Variants in RALGAPA2 observed in about 807,000 individuals in gnomAD.
RALGAPA2 encodes the protein ral GTPase-activating protein subunit alpha-2.
A neutral mutation model predicts 230.4 loss-of-function variants in RALGAPA2; 139 were observed. That is an observed-to-expected ratio of 0.60 (90% confidence interval 0.53 to 0.69). The LOEUF (loss-of-function observed/expected upper bound fraction) is 0.69, where lower values mean the gene tolerates loss of function less well. Among genes scored for constraint, RALGAPA2 ranks in the 30% least tolerant of loss-of-function variants. RALGAPA2 has a pLI of 0.00. For synonymous variants in RALGAPA2, 847 were observed against 837.8 expected, an observed-to-expected ratio of 1.01 and a Z score of -0.19; for missense variants, 2,163 against 2,276.0, an observed-to-expected ratio of 0.95 and a Z score of 1.01.
intron 39 of RALGAPA2, among the ~76,000 whole-genome samples, chr20:20,395,151 G>C (rs903841601): frequency 1.3e-5 from 2 of 152,212 alleles, no homozygotes; most frequent in African/African-American, 2.4e-5. Flanking sequence ...CTGTGCACCT[G>C]AAAGCAGGGA....
chr20:20,663,918 G>T (rs2067869556), intron 3 of RALGAPA2, among the ~76,000 whole-genome samples: 1 of 152,152 alleles, frequency 6.6e-6, no homozygotes, highest in African/African-American at 2.4e-5. Context: ...TAAATTAAGA[G>T]TTACCTGAAC....
chr20:20,630,187 G>T (rs138892582), intron 9 of RALGAPA2, among the ~76,000 whole-genome samples: 1 of 152,280 alleles, frequency 6.6e-6, no homozygotes, highest in East Asian at 1.9e-4. Context: ...GGCATCCAAA[G>T]AAATGAAGTA....
intron 16 of RALGAPA2, among the ~76,000 whole-genome samples, chr20:20,595,055 G>A (rs535639352): frequency 2.6e-5 from 4 of 152,048 alleles, no homozygotes; most frequent in African/African-American, 7.2e-5. Flanking sequence ...TCGAAACACC[G>A]AAAAATGATC....
intron 1 of RALGAPA2, among the ~76,000 whole-genome samples, chr20:20,694,135 C>T (rs1258763880): frequency 6.6e-6 from 1 of 150,726 alleles, no homozygotes; most frequent in Non-Finnish European, 1.5e-5. Flanking sequence ...AAAAAGATAC[C>T]GTAACTTTAA....
Position 20,495,162 on chromosome 20 carries a change from T to C in RALGAPA2, c.5322A>G (p.Pro1774=), listed in dbSNP as rs2062168859. 6.2e-7 allele frequency: 1 copy of C among 1,610,540 alleles called. No individual in the cohort carries two copies. Among genetic ancestry groups the C allele is most frequent in the Admixed American group, 1.7e-5 (1 of 59,944 alleles). The change falls in exon 36 of 40, where the codon CCA becomes CCG. Residue 1774 remains proline, a synonymous_variant. Transcript: ENST00000202677. The part of the protein sequence containing the change: ...AFGDVSIIIY[P]MKNHMFFIAI... ...CGATGAAGAACATGTGATTCTTCAT[T>C]GGGTAAATAATGATTGAAACATCTC...
intron 29 of RALGAPA2, 130 bp downstream of exon 29, chr20:20,524,700 C>CA (rs1443906637): frequency 1.8e-5 from 24 of 1,299,354 alleles, no homozygotes; most frequent in Non-Finnish European, 2.3e-5. Context: ...AGCATTTTCA[C>CA]AAAAAAGACT....
chr20:20,461,181 A>G (rs2061293683), intron 37 of RALGAPA2, among the ~76,000 whole-genome samples: 1 of 152,252 alleles, frequency 6.6e-6, no homozygotes, highest in African/African-American at 2.4e-5. Context: ...TTATAAGCAA[A>G]GAATGTTTAT....
chr20:20,546,819 G>C lies in RALGAPA2; in HGVS notation c.3170C>G (p.Thr1057Arg), dbSNP rs373754711. 4 of 1,584,748 alleles carry C rather than the reference G, an allele frequency of 2.5e-6. No individual in the cohort carries two copies. Among genetic ancestry groups the C allele is most frequent in the East Asian group, 2.2e-5 (1 of 44,522 alleles). The change falls in exon 24 of 40, where the codon ACG becomes AGG. Residue 1057 changes from threonine (T) to arginine (R), a missense_variant. By Grantham distance (71) the Thr-to-Arg change is moderately conservative. Coordinates refer to ENST00000202677, the MANE Select transcript of RALGAPA2 (RefSeq NM_020343.4). ...LTSEDQDILNTIIRHCPPRFF... is the reference protein window; with the variant it reads ...LTSEDQDILNRIIRHCPPRFF... ...GCGGGGTGGACAGTGCCTTATGATC[G>C]TATTTAAGATATCCTAAAAGGGAAG... is the stretch of plus-strand genomic sequence containing the variant.
At chr20:20,460,554 TGA>T (rs1054680164) in intron 37 of RALGAPA2, among the ~76,000 whole-genome samples, 3 of 152,204 alleles carry the variant, frequency 2.0e-5, no homozygotes, top group Non-Finnish European at 4.4e-5. Context: ...AACCAAGACT[TGA>T]CCATAAGGGT....
intron 31 of RALGAPA2, among the ~76,000 whole-genome samples, chr20:20,520,440 C>T (rs2063003408): frequency 6.6e-6 from 1 of 152,184 alleles, no homozygotes; most frequent in Non-Finnish European, 1.5e-5. Context: ...ATGAGCAGAG[C>T]AAATCTAAAA....
chr20:20,504,160 C>T (rs2062461234), intron 34 of RALGAPA2, among the ~76,000 whole-genome samples: 1 of 152,058 alleles, frequency 6.6e-6, no homozygotes, highest in South Asian at 2.1e-4. Context: ...ATAGAGTAAA[C>T]ATATACTCTC....
Position 20,425,766 on chromosome 20 carries a change from C to CA in RALGAPA2, c.5496-13619dup, listed in dbSNP as rs1237671812. On this transcript the variant is annotated intron_variant, in intron 37 of 39. Coordinates refer to ENST00000202677, the MANE Select transcript of RALGAPA2 (RefSeq NM_020343.4). ...AATACACCCCACAGACCTATCAGAGCAAAAAAAATAATGCCACAATTATTG... is the reference window on the plus strand; with the variant it reads ...AATACACCCCACAGACCTATCAGAGCAAAAAAAAATAATGCCACAATTATTG... 7.2e-5 allele frequency among the ~76,000 whole-genome samples: 11 copies of CA among 151,806 alleles called. No homozygotes were observed. In the South Asian group the frequency reaches 1.2e-3, roughly 17 times the overall value.
intron 37 of RALGAPA2, among the ~76,000 whole-genome samples, chr20:20,452,418 C>T (rs910884935): frequency 6.6e-6 from 1 of 152,300 alleles, no homozygotes; most frequent in African/African-American, 2.4e-5. Flanking sequence ...GCATCTTGTA[C>T]GAATCCAGAC....
intron 18 of RALGAPA2, among the ~76,000 whole-genome samples, chr20:20,588,637 A>C (rs1037965814): frequency 6.6e-6 from 1 of 152,166 alleles, no homozygotes; most frequent in African/African-American, 2.4e-5. Context: ...CCTTTTTAAA[A>C]ATAAAGAAAA....
In RALGAPA2 at chr20:20,503,394, G is replaced by A; in HGVS notation, c.5165C>T (p.Ser1722Phe). Residue 1722 changes from serine (S) to phenylalanine (F), a missense_variant, in exon 35 of 40, where the codon TCC becomes TTC. Coordinates refer to ENST00000202677, the MANE Select transcript of RALGAPA2 (RefSeq NM_020343.4). The stretch of plus-strand genomic sequence containing the variant: ...ATCTGAGTCTGACGGCATTCGAGTG[G>A]AAACATGGAAAATCACTTCCACAGT... ...TSTVEVIFHVSTRMPSDSDDS... is the reference protein window; with the variant it reads ...TSTVEVIFHVFTRMPSDSDDS... 2 of 1,605,086 alleles carry A rather than the reference G, an allele frequency of 1.2e-6. No individual in the cohort carries two copies. The highest frequency in any genetic ancestry group is 1.7e-6 in the Non-Finnish European group (2 of 1,174,438).
At chr20:20,633,600 T>A (rs6137085) in intron 9 of RALGAPA2, among the ~76,000 whole-genome samples, 7,017 of 151,898 alleles carry the variant, frequency 0.046, 257 homozygotes, top group East Asian at 0.16. Context: ...CCATTCTCCT[T>A]CCTCAGTTTC....
intron 11 of RALGAPA2, 119 bp from the exon 12 acceptor site, chr20:20,619,533 T>G: frequency 1.2e-6 from 1 of 813,800 alleles, no homozygotes; most frequent in Non-Finnish European, 1.6e-6. Flanking sequence ...GCATATTTAA[T>G]TCCTTAAACT....
intron 8 of RALGAPA2, among the ~76,000 whole-genome samples, chr20:20,636,604 A>C (rs532256256): frequency 6.6e-6 from 1 of 152,220 alleles, no homozygotes; most frequent in South Asian, 2.1e-4. Flanking sequence ...AGAAACACAC[A>C]GAGTACAGAC....
In RALGAPA2 at chr20:20,531,741, A is replaced by C. The variant is rs772237259; in HGVS notation, c.3528T>G (p.Cys1176Trp). The change falls in exon 27 of 40, where the codon TGT (cysteine) becomes TGG (tryptophan). Residue 1176 changes from cysteine (C) to tryptophan (W), a missense_variant. Coordinates refer to ENST00000202677, the MANE Select transcript of RALGAPA2 (RefSeq NM_020343.4). ...GVWICEELAQCTSHPQVKEAI... is the reference protein window; with the variant it reads ...GVWICEELAQWTSHPQVKEAI... Reference sequence around the variant, plus strand: ...CCTCTTTCACCTGAGGGTGGCTTGTACACTGTGCAAGCTCTTCACATATCC... The same window carrying C: ...CCTCTTTCACCTGAGGGTGGCTTGTCCACTGTGCAAGCTCTTCACATATCC... 6.2e-7 allele frequency: 1 copy of C among 1,609,070 alleles called. No individual in the cohort carries two copies. Among genetic ancestry groups the C allele is most frequent in the South Asian group, 1.1e-5 (1 of 89,742 alleles).
Sources: allele counts gnomAD v4.1 joint callset (sites outside exome capture counted in the v4.1 genomes callset), GRCh38; gene constraint gnomAD v4.1.1; transcripts MANE v1.5; gene names NCBI Gene and HGNC (gene_info 2026-07-23, HGNC 2026-07-21).